Variants in HAUS7 observed in about 807,000 individuals in gnomAD.
HAUS7 encodes the protein HAUS augmin-like complex subunit 7.
Under a neutral mutation model 28.4 loss-of-function variants are expected in HAUS7, and 3 were observed. That is an observed-to-expected ratio of 0.11 (90% CI 0.05 to 0.27). HAUS7 has a LOEUF of 0.27. Among genes scored for constraint, HAUS7 ranks in the 10% least tolerant of loss-of-function variants. The probability of loss-of-function intolerance (pLI) is 1.00; values close to 1 mark genes in which losing one functional copy is unlikely to be tolerated. For missense variants in HAUS7, 284 were observed against 297.3 expected, an observed-to-expected ratio of 0.96 and a Z score of 0.33; for synonymous variants, 165 against 132.1, an observed-to-expected ratio of 1.25 and a Z score of -1.71.
At chrX:153,471,382 C>T (rs2089522828), upstream of HAUS7, among the ~76,000 whole-genome samples, 1 of 112,488 alleles carries the variant, frequency 8.9e-6, no homozygotes, top group Admixed American at 9.3e-5. Context: ...GGGCCCTGCT[C>T]CCCTCACGGC....
intron 9 of HAUS7, among the ~76,000 whole-genome samples, chrX:153,448,418 T>A (rs1329179744): frequency 4.2e-5 from 4 of 96,376 alleles, no homozygotes; most frequent in African/African-American, 1.6e-4. Flanking sequence ...GGAGGAGGGA[T>A]AGCATTAGGA....
chrX:153,485,873 C>T (rs2089633505), intron 1 of HAUS7: 5 of 918,759 alleles, frequency 5.4e-6, no homozygotes, highest in Non-Finnish European at 5.5e-6. Context: ...CCACATCGAG[C>T]GCATCCCTGG....
intron 1 of HAUS7, among the ~76,000 whole-genome samples, chrX:153,477,198 T>A (rs1320663087): frequency 8.8e-6 from 1 of 113,446 alleles, no homozygotes; most frequent in Non-Finnish European, 1.9e-5. Flanking sequence ...AGGCTGGCTG[T>A]GCCAGAGAAA....
At chrX:153,450,114 C>G (rs1245095862) in intron 9 of HAUS7, among the ~76,000 whole-genome samples, 1 of 111,624 alleles carries the variant, frequency 9.0e-6, no homozygotes, top group Non-Finnish European at 1.9e-5. Flanking sequence ...GTGGTGGAGC[C>G]GTTGCCTGTG....
chrX:153,452,283 G>A (rs2089249264), intron 9 of HAUS7, among the ~76,000 whole-genome samples: 1 of 112,130 alleles, frequency 8.9e-6, no homozygotes, highest in Non-Finnish European at 1.9e-5. Context: ...CCTCCGGGAT[G>A]GCATGGAAGG....
intron 2 of HAUS7, among the ~76,000 whole-genome samples, chrX:153,466,380 C>T (rs2089455080): frequency 8.9e-6 from 1 of 112,216 alleles, no homozygotes; most frequent in South Asian, 3.7e-4. Flanking sequence ...GTCACCGCAC[C>T]GTCACAGCAG....
chrX:153,486,182 C>A, intron 1 of HAUS7: 1 of 673,823 alleles, frequency 1.5e-6, no homozygotes. Flanking sequence ...TACCCTGAGG[C>A]CAGGAGGCCC....
chrX:153,464,042 T>C (rs1388378131), intron 3 of HAUS7, among the ~76,000 whole-genome samples: 1 of 112,805 alleles, frequency 8.9e-6, no homozygotes. Context: ...GGCTGCTCCT[T>C]AACCATTCGT....
chrX:153,461,445 C>T (rs1388135405), intron 4 of HAUS7: 3 of 109,654 alleles, frequency 2.7e-5, no homozygotes, highest in African/African-American at 6.7e-5. Flanking sequence ...ACTCTCTGTA[C>T]TTTCTGCTCA....
chrX:153,494,498 T>A (rs1490036039), intron 1 of HAUS7, among the ~76,000 whole-genome samples: 1 of 112,208 alleles, frequency 8.9e-6, no homozygotes, highest in Non-Finnish European at 1.9e-5. Flanking sequence ...AACCACCTCC[T>A]TGCTTAGGCC....
intron 5 of HAUS7, 113 bp from the exon 6 acceptor site, chrX:153,456,764 A>G (rs2089318268): frequency 1.7e-6 from 1 of 594,081 alleles, no homozygotes; most frequent in African/African-American, 2.3e-5. Flanking sequence ...CACAGAGGCC[A>G]GGACAAGCCC....
intron 4 of HAUS7, chrX:153,461,894 C>A: frequency 2.8e-6 from 1 of 355,007 alleles, no homozygotes; most frequent in Non-Finnish European, 4.9e-6. Flanking sequence ...AGCTATACAC[C>A]CAAGAGGATG....
intron 1 of HAUS7, among the ~76,000 whole-genome samples, chrX:153,490,656 A>G (rs2089666068): frequency 8.9e-6 from 1 of 112,892 alleles, no homozygotes; most frequent in Non-Finnish European, 1.9e-5. Flanking sequence ...CGAAGCCCAC[A>G]GGCTCGGAGT....
chrX:153,481,970 G>A, intron 1 of HAUS7: 1 of 663,178 alleles, frequency 1.5e-6, no homozygotes, highest in Non-Finnish European at 1.8e-6. Context: ...CGGGGCTGGG[G>A]CTGGGGCTGG....
At chrX:153,483,547 C>T in intron 1 of HAUS7, 5 of 655,059 alleles carry the variant, frequency 7.6e-6, no homozygotes, top group Middle Eastern at 8.5e-4. Flanking sequence ...GCGGAGAGGG[C>T]AATGCTGAGC....
intron 1 of HAUS7, chrX:153,482,425 C>T (rs782131706): frequency 4.7e-4 from 357 of 755,517 alleles, no homozygotes; most frequent in Non-Finnish European, 5.4e-4. Context: ...TCAACGACAA[C>T]CTCCTGCAGG....
intron 2 of HAUS7, 101 bp downstream of exon 2, chrX:153,469,045 G>C: frequency 3.9e-6 from 2 of 515,788 alleles, no homozygotes; most frequent in Non-Finnish European, 7.0e-6. Context: ...CCTCTGGGAA[G>C]ACAGCTACTC....
Position 153,482,734 on chromosome X carries a change from C to T in HAUS7, c.-588-11589G>A, listed in dbSNP as rs1170415816. On this transcript the variant is annotated intron_variant, in intron 1 of 5. Coordinates refer to the HAUS7 transcript ENST00000370210. Reference sequence around the variant, plus strand: ...CCTGCAGGGCTCAGCCAGCTGTTGACGCTGGAGGTGGAAGGGAACCAGCTG... The same window carrying T: ...CCTGCAGGGCTCAGCCAGCTGTTGATGCTGGAGGTGGAAGGGAACCAGCTG... 1.3e-5 allele frequency: 10 copies of T among 755,820 alleles called. No homozygotes were observed. The East Asian group carries it at 1.1e-3, about 80-fold the overall frequency. 62.3% of individuals were successfully genotyped at this position (755,820 alleles called of 1,213,427 possible).
At chrX:153,492,558 C>T (rs2089677841) in intron 1 of HAUS7, among the ~76,000 whole-genome samples, 1 of 112,019 alleles carries the variant, frequency 8.9e-6, no homozygotes, top group South Asian at 3.8e-4. Flanking sequence ...AGAAGCAGCC[C>T]CCAACTTCAG....
Sources: gnomAD v4.1 joint callset for allele counts (sites outside exome capture counted in the v4.1 genomes callset) on GRCh38, gnomAD v4.1.1 for gene constraint, MANE v1.5 for transcripts, NCBI Gene and HGNC (gene_info 2026-07-23, HGNC 2026-07-21) for gene names.